The following TCERG1L variants were observed in gnomAD, a reference collection of about 807,000 sequenced individuals.
TCERG1L encodes transcription elongation regulator 1-like protein.
In TCERG1L, 37 loss-of-function variants were observed where a neutral mutation model predicts 56.3. The observed-to-expected ratio is 0.66, with a 90% CI of 0.51 to 0.87. The LOEUF (loss-of-function observed/expected upper bound fraction) is 0.87. Among genes scored for constraint, TCERG1L ranks in the 40% least tolerant of loss-of-function variants. The pLI is 0.00. For missense variants in TCERG1L, 799 were observed against 774.2 expected (o/e 1.03, Z -0.38); for synonymous variants, 324 against 326.3 (o/e 0.99, Z 0.08).
chr10:131,171,161 A>AC (rs1322814667), intron 4 of TCERG1L, among the ~76,000 whole-genome samples: 1 of 97,300 alleles, frequency 1.0e-5, no homozygotes, highest in Non-Finnish European at 2.1e-5. Flanking sequence ...AAACAAAAAC[A>AC]AAAACAAAAA....
At position 131,117,163 on chromosome 10, in the gene TCERG1L, C is replaced by T. The variant is rs72845617; in HGVS notation, c.1260-229G>A. Among the ~76,000 whole-genome samples, 9 of 152,224 alleles carry T rather than the reference C, an allele frequency of 5.9e-5. No individual in the cohort carries two copies. In the South Asian group the frequency reaches 1.2e-3, roughly 21 times the overall value. ...GAGGCTGGAATTGAAGCCCCAGCCCCGGGCCCGGCTGTGAGAAGCTGCAGC... is the reference window on the plus strand; with the variant it reads ...GAGGCTGGAATTGAAGCCCCAGCCCTGGGCCCGGCTGTGAGAAGCTGCAGC... On this transcript the variant is annotated intron_variant, in intron 8 of 11. Transcript: ENST00000368642.
chr10:131,130,087 T>TAAAA (rs34675215), intron 8 of TCERG1L, among the ~76,000 whole-genome samples: 1 of 116,118 alleles, frequency 8.6e-6, no homozygotes, highest in African/African-American at 3.1e-5. Context: ...GGGTGATTTA[T>TAAAA]AAAAAAAAAA....
At chr10:131,242,512 G>A (rs1488428168) in intron 4 of TCERG1L, among the ~76,000 whole-genome samples, 1 of 152,124 alleles carries the variant, frequency 6.6e-6, no homozygotes. Context: ...ACTAAATCAC[G>A]GCACCAGCGA....
chr10:131,310,145 GT>G (rs1846869086), intron 1 of TCERG1L, among the ~76,000 whole-genome samples: 2 of 152,056 alleles, frequency 1.3e-5, no homozygotes, highest in African/African-American at 4.8e-5. Flanking sequence ...TAATGCTAAG[GT>G]TTTTTAAATT....
At chr10:131,186,475 T>C (rs923468515) in intron 4 of TCERG1L, among the ~76,000 whole-genome samples, 3 of 152,160 alleles carry the variant, frequency 2.0e-5, no homozygotes, top group Non-Finnish European at 4.4e-5. Context: ...CAGAGACTGA[T>C]AGAAAAGTTC....
At chr10:131,171,915 T>C (rs1192465379) in intron 4 of TCERG1L, among the ~76,000 whole-genome samples, 1 of 152,188 alleles carries the variant, frequency 6.6e-6, no homozygotes, top group Non-Finnish European at 1.5e-5. Context: ...TCTTTAAAAA[T>C]TATTAAAATA....
At chr10:131,236,956 G>A (rs1845919389) in intron 4 of TCERG1L, among the ~76,000 whole-genome samples, 1 of 152,016 alleles carries the variant, frequency 6.6e-6, no homozygotes, top group South Asian at 2.1e-4. Context: ...CACTTTTAAA[G>A]CCATCCAGTC....
chr10:131,222,502 G>A (rs11817377), intron 4 of TCERG1L, among the ~76,000 whole-genome samples: 12,843 of 152,298 alleles, frequency 0.084, 1,026 homozygotes, highest in African/African-American at 0.21. Flanking sequence ...GAAGGCAGCC[G>A]CCACACTGGT....
chr10:131,290,810 T>G (rs1293070385), intron 3 of TCERG1L, among the ~76,000 whole-genome samples: 1 of 152,094 alleles, frequency 6.6e-6, no homozygotes, highest in Non-Finnish European at 1.5e-5. Flanking sequence ...TTTTTCCTTT[T>G]GGCATTATGA....
At chr10:131,148,459 C>CACACAG (rs1290945293) in intron 6 of TCERG1L, among the ~76,000 whole-genome samples, 14 of 144,944 alleles carry the variant, frequency 9.7e-5, no homozygotes, top group African/African-American at 3.2e-4. Flanking sequence ...CACATAAACA[C>CACACAG]ACACAGACAC....
chr10:131,299,907 T>C (rs1846742617), intron 3 of TCERG1L, among the ~76,000 whole-genome samples: 1 of 152,142 alleles, frequency 6.6e-6, no homozygotes, highest in Non-Finnish European at 1.5e-5. Context: ...TTTTGCTCTT[T>C]ATACTGTCAG....
chr10:131,176,845 C>CACACAGAGTGTACACACACAGAG (rs766078845), intron 4 of TCERG1L, among the ~76,000 whole-genome samples: 2 of 8,618 alleles, frequency 2.3e-4, no homozygotes, highest in Admixed American at 1.2e-3. Flanking sequence ...CACACAGGCA[C>CACACAGAGTGTACACACACAGAG]ATAGGAACAC....
rs144482616 is a variant in TCERG1L at position 131,163,399 on chromosome 10, G to A, written c.946-189C>T. Among the ~76,000 whole-genome samples the A allele has an allele frequency of 6.6e-5, 10 of 152,350 alleles. No homozygotes were observed. In the East Asian group the frequency reaches 1.4e-3, roughly 21 times the overall value. On this transcript the variant is annotated intron_variant, in intron 5 of 11. Transcript: ENST00000368642. Reference sequence around the variant, plus strand: ...AGGAACAGGGAGTCAGTGCAGAGCAGACTGGGTAGAATCACCTGGACAAAG... The same window carrying A: ...AGGAACAGGGAGTCAGTGCAGAGCAAACTGGGTAGAATCACCTGGACAAAG...
At chr10:131,201,303 C>T (rs888563950) in intron 4 of TCERG1L, among the ~76,000 whole-genome samples, 12 of 152,208 alleles carry the variant, frequency 7.9e-5, no homozygotes, top group Non-Finnish European at 1.0e-4. Flanking sequence ...AAACACTCCA[C>T]CACCACCCAC....
chr10:131,094,149 CGCAACTTCCT>C (rs1845216959), intron 11 of TCERG1L, among the ~76,000 whole-genome samples: 1 of 152,194 alleles, frequency 6.6e-6, no homozygotes, highest in Non-Finnish European at 1.5e-5. Flanking sequence ...CACCGGGCCC[CGCAACTTCCT>C]GTTCTCTTAG....
At chr10:131,179,570 G>C (rs368437844) in intron 4 of TCERG1L, among the ~76,000 whole-genome samples, 1 of 152,154 alleles carries the variant, frequency 6.6e-6, no homozygotes, top group East Asian at 1.9e-4. Flanking sequence ...CAGCCCAGCC[G>C]TGTGACCCTG....
intron 4 of TCERG1L, among the ~76,000 whole-genome samples, chr10:131,234,686 GTTGT>G (rs776538039): frequency 4.3e-4 from 58 of 134,624 alleles, no homozygotes; most frequent in African/African-American, 1.2e-3. Flanking sequence ...TTTTGTTGTC[GTTGT>G]TTGTTTGTTT....
At chr10:131,175,373 A>G (rs1258139141) in intron 4 of TCERG1L, among the ~76,000 whole-genome samples, 1 of 152,198 alleles carries the variant, frequency 6.6e-6, no homozygotes. Flanking sequence ...GTGGCATATC[A>G]GGGCCTATGG....
intron 6 of TCERG1L, among the ~76,000 whole-genome samples, chr10:131,153,148 A>G (rs1158195498): frequency 6.6e-6 from 1 of 152,158 alleles, no homozygotes; most frequent in East Asian, 1.9e-4. Flanking sequence ...TGAGAGTCCC[A>G]CAGAAGCCTC....
Sources: allele counts gnomAD v4.1 joint callset (sites outside exome capture counted in the v4.1 genomes callset), GRCh38; gene constraint gnomAD v4.1.1; transcripts MANE v1.5; gene names NCBI Gene and HGNC (gene_info 2026-07-23, HGNC 2026-07-21).